MAGI2: variants seen among roughly 807,000 people sequenced by gnomAD.
MAGI2 encodes the protein membrane-associated guanylate kinase, WW and PDZ domain-containing protein 2.
MAGI2 carries 35 observed loss-of-function variants against 133.3 expected under a neutral mutation model. The observed-to-expected ratio is 0.26, with a 90% CI of 0.20 to 0.35. The LOEUF (loss-of-function observed/expected upper bound fraction) is 0.35. Ranked by LOEUF, MAGI2 falls within the 10% of genes least tolerant of loss-of-function variation. The probability of loss-of-function intolerance (pLI) is 1.00; values close to 1 mark genes in which losing one functional copy is unlikely to be tolerated. For missense variants in MAGI2, 1,636 were observed against 1,863.4 expected (o/e 0.88, Z 2.25); for synonymous variants, 729 against 710.6 (o/e 1.03, Z -0.41).
chr7:78,761,441 G>A (rs1165217153), intron 2 of MAGI2, among the ~76,000 whole-genome samples: 2 of 151,626 alleles, frequency 1.3e-5, no homozygotes, highest in Non-Finnish European at 2.9e-5. Flanking sequence ...CCATCTGGGG[G>A]TCTTGTTAAA....
chr7:78,670,010 A>T (rs1248421003), intron 2 of MAGI2, among the ~76,000 whole-genome samples: 20 of 151,764 alleles, frequency 1.3e-4, no homozygotes, highest in Middle Eastern at 3.4e-3. Context: ...GAAAACTGGC[A>T]AAAGACAGGG....
chr7:78,992,652 A>G (rs533765479), intron 2 of MAGI2, among the ~76,000 whole-genome samples: 99 of 152,166 alleles, frequency 6.5e-4, no homozygotes, highest in Middle Eastern at 3.4e-3. Flanking sequence ...TTAGGTCAAC[A>G]TATAGGCTTA....
intron 2 of MAGI2, among the ~76,000 whole-genome samples, chr7:78,801,604 T>A (rs1265149275): frequency 1.9e-5 from 2 of 105,432 alleles, no homozygotes; most frequent in East Asian, 6.4e-4. Context: ...ACCCAAATAA[T>A]AAAAAGGGTT....
At chr7:78,508,345 T>C (rs894564923) in intron 4 of MAGI2, among the ~76,000 whole-genome samples, 37 of 152,176 alleles carry the variant, frequency 2.4e-4, no homozygotes, top group African/African-American at 8.7e-4. Context: ...TGAACCAATA[T>C]TTAACATCTC....
intron 6 of MAGI2, among the ~76,000 whole-genome samples, chr7:78,401,506 CCT>C (rs1488076239): frequency 6.6e-6 from 1 of 151,866 alleles, no homozygotes; most frequent in Non-Finnish European, 1.5e-5. Context: ...ACTCTTGTGC[CCT>C]GTTAGTGCTC....
At chr7:78,658,368 A>G (rs1176581893) in intron 2 of MAGI2, among the ~76,000 whole-genome samples, 1 of 152,208 alleles carries the variant, frequency 6.6e-6, no homozygotes, top group Non-Finnish European at 1.5e-5. Context: ...TGTAAAATGT[A>G]AAACTATAAA....
rs149741947 is a variant in MAGI2, at chr7:79,198,486, A to T, written c.302-191280T>A. Among the ~76,000 whole-genome samples, 299 of 152,126 alleles carry T rather than the reference A, an allele frequency of 2.0e-3. 3 individuals are homozygous for T. Among genetic ancestry groups the T allele is most frequent in the African/African-American group, 6.8e-3 (282 of 41,426 alleles). On this transcript the variant is annotated intron_variant, in intron 1 of 21. Transcript: ENST00000354212. ...CATTTGCTTGTCACCTTGGCAATGC[A>T]GTGGCAGGATACAAGCATCTTAATT...
chr7:78,713,989 CTGCCACATTCT>C (rs1254291275), intron 2 of MAGI2, among the ~76,000 whole-genome samples: 1 of 139,118 alleles, frequency 7.2e-6, no homozygotes, highest in Non-Finnish European at 1.6e-5. Context: ...AACTCTGTTA[CTGCCACATTCT>C]TTTTTTTTTC....
At chr7:79,420,280 T>C (rs1846857053) in intron 1 of MAGI2, among the ~76,000 whole-genome samples, 1 of 151,992 alleles carries the variant, frequency 6.6e-6, no homozygotes, top group Admixed American at 6.6e-5. Context: ...AAAATTAAGT[T>C]TAAAGTTCTA....
chr7:78,678,226 C>A (rs1376473186), intron 2 of MAGI2, among the ~76,000 whole-genome samples: 1 of 152,108 alleles, frequency 6.6e-6, no homozygotes, highest in African/African-American at 2.4e-5. Flanking sequence ...TGTTTATTGG[C>A]AATTTTATGT....
At chr7:78,610,634 C>A (rs141044249) in intron 3 of MAGI2, among the ~76,000 whole-genome samples, 2 of 152,078 alleles carry the variant, frequency 1.3e-5, no homozygotes, top group African/African-American at 4.8e-5. Context: ...AGATTCAATC[C>A]GTAATATGAA....
intron 1 of MAGI2, among the ~76,000 whole-genome samples, chr7:79,349,303 T>C (rs976454631): frequency 1.3e-5 from 2 of 151,952 alleles, no homozygotes; most frequent in Non-Finnish European, 2.9e-5. Context: ...CAAATGTTGT[T>C]TTTGCTTTCA....
At chr7:78,432,569 A>T (rs896966328) in intron 6 of MAGI2, among the ~76,000 whole-genome samples, 1 of 152,090 alleles carries the variant, frequency 6.6e-6, no homozygotes, top group African/African-American at 2.4e-5. Context: ...TCTTTTGAAC[A>T]GAACATATTA....
chr7:78,422,730 A>G (rs1798914287), intron 6 of MAGI2, among the ~76,000 whole-genome samples: 1 of 152,200 alleles, frequency 6.6e-6, no homozygotes, highest in Non-Finnish European at 1.5e-5. Context: ...TCAGTTTGAC[A>G]CTAAATTCTG....
At chr7:78,980,784 T>G (rs978618044) in intron 2 of MAGI2, among the ~76,000 whole-genome samples, 1 of 151,904 alleles carries the variant, frequency 6.6e-6, no homozygotes, top group Non-Finnish European at 1.5e-5. Flanking sequence ...TTTTGTTTTT[T>G]GTTTTTTTAA....
chr7:78,131,208 C>G (rs1821528359), intron 18 of MAGI2, among the ~76,000 whole-genome samples: 1 of 152,224 alleles, frequency 6.6e-6, no homozygotes, highest in South Asian at 2.1e-4. Context: ...CCATCTGGGG[C>G]TCATTACTGA....
intron 4 of MAGI2, chr7:78,519,185 A>C (rs951084176): frequency 6.6e-6 from 1 of 150,888 alleles, no homozygotes; most frequent in Non-Finnish European, 1.5e-5. Flanking sequence ...AGAGTTGGGA[A>C]ATGTATATCA....
At chr7:78,188,865 C>T (rs1053442387) in intron 12 of MAGI2, among the ~76,000 whole-genome samples, 5 of 152,158 alleles carry the variant, frequency 3.3e-5, no homozygotes, top group Admixed American at 3.3e-4. Flanking sequence ...GAAAAGGAGA[C>T]TTGGAGTCAG....
chr7:78,741,063 A>AT (rs369154632), intron 2 of MAGI2, among the ~76,000 whole-genome samples: 19 of 152,058 alleles, frequency 1.2e-4, no homozygotes, highest in Admixed American at 2.6e-4. Flanking sequence ...GAATGCAGCC[A>AT]TTTTTTTTCC....
Sources: gnomAD v4.1 joint callset for allele counts (sites outside exome capture counted in the v4.1 genomes callset) on GRCh38, gnomAD v4.1.1 for gene constraint, MANE v1.5 for transcripts, NCBI Gene and HGNC (gene_info 2026-07-23, HGNC 2026-07-21) for gene names.